Variants in MAGI2 observed in about 807,000 individuals in gnomAD.
MAGI2 encodes membrane-associated guanylate kinase, WW and PDZ domain-containing protein 2.
In MAGI2, 35 loss-of-function variants were observed where a neutral mutation model predicts 133.3. The ratio of observed to expected loss-of-function variants is 0.26; its 90% confidence interval spans 0.20 to 0.35. MAGI2 has a LOEUF of 0.35. MAGI2 is among the 10% of genes least tolerant of loss of function. The pLI is 1.00. For synonymous variants in MAGI2, 729 were observed against 710.6 expected, an observed-to-expected ratio of 1.03 and a Z score of -0.41; for missense variants, 1,636 against 1,863.4, an observed-to-expected ratio of 0.88 and a Z score of 2.25.
intron 3 of MAGI2, among the ~76,000 whole-genome samples, chr7:78,576,517 C>T (rs1418685157): frequency 1.3e-5 from 2 of 150,778 alleles, no homozygotes; most frequent in South Asian, 4.2e-4. Context: ...CAGAACTCCC[C>T]TCTCCCAGAG....
chr7:78,230,794 C>CATGTGACTGGCTGTCT (rs1789888741), intron 10 of MAGI2, among the ~76,000 whole-genome samples: 1 of 152,182 alleles, frequency 6.6e-6, no homozygotes, highest in Non-Finnish European at 1.5e-5. Flanking sequence ...GACTTCCTTC[C>CATGTGACTGGCTGTCT]ATGTGACTGG....
intron 2 of MAGI2, among the ~76,000 whole-genome samples, chr7:78,990,403 T>C (rs1244162605): frequency 6.6e-6 from 1 of 152,064 alleles, no homozygotes; most frequent in African/African-American, 2.4e-5. Flanking sequence ...ACTTATCCTG[T>C]CTTACCACCC....
chr7:78,308,527 CT>C (rs910151801), intron 9 of MAGI2, among the ~76,000 whole-genome samples: 46 of 145,710 alleles, frequency 3.2e-4, no homozygotes, highest in Middle Eastern at 3.6e-3. Flanking sequence ...TCCGACCCAT[CT>C]TTTTTTTTTT....
intron 3 of MAGI2, among the ~76,000 whole-genome samples, chr7:78,551,859 C>T (rs1160796033): frequency 6.6e-6 from 1 of 152,186 alleles, no homozygotes; most frequent in Non-Finnish European, 1.5e-5. Context: ...ATCCTCCCAT[C>T]TCAGCCTCCT....
chr7:78,618,593 A>C (rs1807360886), intron 3 of MAGI2: 1 of 151,854 alleles, frequency 6.6e-6, no homozygotes, highest in African/African-American at 2.4e-5. Flanking sequence ...TGAATTTTTG[A>C]CGTGTTTCAG....
intron 2 of MAGI2, among the ~76,000 whole-genome samples, chr7:78,778,599 A>T (rs185750570): frequency 6.4e-4 from 98 of 152,332 alleles, no homozygotes; most frequent in Middle Eastern, 3.4e-3. Flanking sequence ...CATAAAGTCC[A>T]ATTTCAAATT....
chr7:78,949,623 A>T (rs997909552), intron 2 of MAGI2, among the ~76,000 whole-genome samples: 1 of 152,210 alleles, frequency 6.6e-6, no homozygotes, highest in Non-Finnish European at 1.5e-5. Flanking sequence ...CAAAAAGTTT[A>T]TTATCAAAGT....
chr7:79,415,878 C>T (rs1310587868), intron 1 of MAGI2, among the ~76,000 whole-genome samples: 3 of 152,116 alleles, frequency 2.0e-5, no homozygotes, highest in Admixed American at 2.0e-4. Context: ...TTCCACAGTA[C>T]AGGACAGAAC....
chr7:78,678,132 ATAGTGGAAAACTAAC>A (rs955171532), intron 2 of MAGI2, among the ~76,000 whole-genome samples: 5 of 152,146 alleles, frequency 3.3e-5, no homozygotes, highest in East Asian at 1.9e-4. Flanking sequence ...AGACAATGGA[ATAGTGGAAAACTAAC>A]TAGTGGAAAA....
At chr7:78,960,095 A>G (rs1187158518) in intron 2 of MAGI2, among the ~76,000 whole-genome samples, 1 of 152,144 alleles carries the variant, frequency 6.6e-6, no homozygotes, top group African/African-American at 2.4e-5. Context: ...TATTGGAACT[A>G]GAATCCTAAT....
intron 4 of MAGI2, chr7:78,518,585 T>C (rs578095576): frequency 1.3e-5 from 2 of 152,364 alleles, no homozygotes; most frequent in Non-Finnish European, 2.9e-5. Context: ...AATGGAATAA[T>C]GTTACCTCAA....
intron 20 of MAGI2, among the ~76,000 whole-genome samples, chr7:78,088,740 C>G (rs1034960877): frequency 6.6e-6 from 1 of 152,124 alleles, no homozygotes; most frequent in Non-Finnish European, 1.5e-5. Context: ...GTAAGAAATA[C>G]CCCAACCTCT....
At chr7:78,096,387 T>A (rs1310984976) in intron 20 of MAGI2, among the ~76,000 whole-genome samples, 2 of 152,216 alleles carry the variant, frequency 1.3e-5, no homozygotes, top group Non-Finnish European at 2.9e-5. Context: ...GAGAAGATCA[T>A]AGGGCTATGC....
chr7:79,311,025 A>G (rs1342857541), intron 1 of MAGI2, among the ~76,000 whole-genome samples: 1 of 152,196 alleles, frequency 6.6e-6, no homozygotes, highest in Admixed American at 6.6e-5. Flanking sequence ...TCTTTACAAT[A>G]AAACCACCCC....
chr7:78,528,793 C>T (rs1797194944), intron 3 of MAGI2, among the ~76,000 whole-genome samples: 1 of 152,028 alleles, frequency 6.6e-6, no homozygotes, highest in African/African-American at 2.4e-5. Context: ...ACTCCCTGAC[C>T]TCGAAAGATA....
At chr7:78,756,773 A>G (rs1823987478) in intron 2 of MAGI2, among the ~76,000 whole-genome samples, 2 of 151,856 alleles carry the variant, frequency 1.3e-5, no homozygotes, top group Admixed American at 1.3e-4. Flanking sequence ...TTTCTTACCC[A>G]CCCAGCTTGA....
chr7:78,089,478 T>C (rs1816972435), intron 20 of MAGI2, among the ~76,000 whole-genome samples: 1 of 152,204 alleles, frequency 6.6e-6, no homozygotes, highest in Non-Finnish European at 1.5e-5. Context: ...GACGAAGGCT[T>C]TAAGCAATAA....
intron 1 of MAGI2, among the ~76,000 whole-genome samples, chr7:79,103,280 G>A (rs10953768): frequency 0.77 from 117,156 of 151,694 alleles, 46,093 homozygotes; most frequent in Non-Finnish European, 0.85. Context: ...TCCAACTAGA[G>A]GCATCTCTTT....
At chr7:78,720,751 T>C (rs1020395216) in intron 2 of MAGI2, among the ~76,000 whole-genome samples, 1 of 152,054 alleles carries the variant, frequency 6.6e-6, no homozygotes, top group African/African-American at 2.4e-5. Context: ...AAAGGATAAG[T>C]TGAGAAAAAA....
Sources: gnomAD v4.1 joint callset for allele counts (sites outside exome capture counted in the v4.1 genomes callset) on GRCh38, gnomAD v4.1.1 for gene constraint, MANE v1.5 for transcripts, NCBI Gene and HGNC (gene_info 2026-07-23, HGNC 2026-07-21) for gene names.